Variants in KCNMA1 observed in about 807,000 individuals in gnomAD.
KCNMA1 encodes the protein Calcium-activated potassium channel subunit alpha-1.
Under a neutral mutation model 140.0 loss-of-function variants are expected in KCNMA1, and 29 were observed. The observed-to-expected ratio is 0.21, with a 90% CI of 0.15 to 0.28. The LOEUF is 0.28. Among genes scored for constraint, KCNMA1 ranks in the 10% least tolerant of loss-of-function variants. KCNMA1 has a pLI of 1.00. For synonymous variants in KCNMA1, 612 were observed against 611.9 expected, an observed-to-expected ratio of 1.00 and a Z score of 0.00; for missense variants, 880 against 1,602.2, an observed-to-expected ratio of 0.55 and a Z score of 7.70.
chr10:77,598,845 A>G (rs2081752669), intron 1 of KCNMA1, among the ~76,000 whole-genome samples: 1 of 152,152 alleles, frequency 6.6e-6, no homozygotes, highest in Non-Finnish European at 1.5e-5. Flanking sequence ...CCCAAATCCG[A>G]ACACTCCCAG....
intron 4 of KCNMA1, among the ~76,000 whole-genome samples, chr10:77,184,293 C>G (rs936825682): frequency 1.3e-5 from 2 of 152,188 alleles, no homozygotes; most frequent in African/African-American, 4.8e-5. Flanking sequence ...GATTTCAGCT[C>G]ACTGCAACCT....
chr10:77,548,596 A>T (rs1445941092), intron 1 of KCNMA1, among the ~76,000 whole-genome samples: 1 of 152,210 alleles, frequency 6.6e-6, no homozygotes. Context: ...CCTGCTTCCA[A>T]CCTACCAGCA....
intron 2 of KCNMA1, among the ~76,000 whole-genome samples, chr10:77,357,570 G>A (rs2093604535): frequency 6.6e-6 from 1 of 152,168 alleles, no homozygotes; most frequent in African/African-American, 2.4e-5. Context: ...AATTTTTAAA[G>A]CAAACATCTT....
intron 1 of KCNMA1, among the ~76,000 whole-genome samples, chr10:77,509,207 G>A (rs1007313653): frequency 2.6e-5 from 4 of 151,954 alleles, no homozygotes; most frequent in African/African-American, 4.8e-5. Context: ...TGCAACCTCC[G>A]CCTCCCAGCT....
At chr10:77,634,719 C>G (rs2093566556) in intron 1 of KCNMA1, 2 of 891,426 alleles carry the variant, frequency 2.2e-6, no homozygotes. Flanking sequence ...CAAATACATG[C>G]CTGTGTATCG....
In KCNMA1 at chr10:77,082,002, C is replaced by CTTTTT. The variant is rs772878572; in HGVS notation, c.1524-2453_1524-2452insAAAAA. On this transcript the variant is annotated intron_variant, in intron 12 of 27. Transcript: ENST00000286628. ...CCTTTGACCAGTAATTTCTTTTTTT[C>CTTTTT]TTTTCTTTTTTTTTTTTTTTTTTTT... Among the ~76,000 whole-genome samples the CTTTTT allele has an allele frequency of 7.5e-3, 386 of 51,640 alleles. 67 individuals carry two copies. Among genetic ancestry groups the CTTTTT allele is most frequent in the Non-Finnish European group, 0.014 (299 of 21,674 alleles). The allele number at this position is 51,640 out of a possible 152,430, so 33.9% of individuals were successfully genotyped here. A position where few individuals can be genotyped will look rare whatever the true frequency, so the allele number is the denominator to read the frequency against.
At chr10:77,341,654 G>A (rs1210054106) in intron 2 of KCNMA1, among the ~76,000 whole-genome samples, 2 of 152,236 alleles carry the variant, frequency 1.3e-5, no homozygotes, top group Non-Finnish European at 2.9e-5. Context: ...GTGGTCTCCT[G>A]CCAGGAAAAG....
chr10:77,382,992 G>GTATA (rs1227873900), intron 2 of KCNMA1, among the ~76,000 whole-genome samples: 16 of 44,484 alleles, frequency 3.6e-4, no homozygotes, highest in Non-Finnish European at 5.3e-4. Context: ...GTGTGTGTGT[G>GTATA]TGTATATATA....
At chr10:76,980,978 G>A (rs1257370295) in intron 19 of KCNMA1, among the ~76,000 whole-genome samples, 2 of 152,176 alleles carry the variant, frequency 1.3e-5, no homozygotes, top group African/African-American at 4.8e-5. Flanking sequence ...TATCTAATAG[G>A]TTGTTGTGAG....
chr10:77,138,130 C>T (rs939016228), intron 5 of KCNMA1, among the ~76,000 whole-genome samples: 1 of 152,182 alleles, frequency 6.6e-6, no homozygotes, highest in African/African-American at 2.4e-5. Flanking sequence ...CCTTGTGGTT[C>T]CAGATGCTGC....
At chr10:77,187,702 A>G (rs1483818512) in intron 3 of KCNMA1, among the ~76,000 whole-genome samples, 2 of 152,182 alleles carry the variant, frequency 1.3e-5, no homozygotes, top group African/African-American at 4.8e-5. Context: ...CCCATATAGG[A>G]TGAGTGATCG....
intron 1 of KCNMA1, among the ~76,000 whole-genome samples, chr10:77,535,192 G>A (rs888693025): frequency 2.6e-5 from 4 of 152,116 alleles, no homozygotes; most frequent in Non-Finnish European, 5.9e-5. Flanking sequence ...CCAGAAGGAC[G>A]CTCTAACATC....
At chr10:77,181,157 C>G (rs1365189010) in intron 5 of KCNMA1, among the ~76,000 whole-genome samples, 1 of 152,144 alleles carries the variant, frequency 6.6e-6, no homozygotes, top group Admixed American at 6.5e-5. Flanking sequence ...GCAGAAAGTG[C>G]AGATTCATGA....
At chr10:77,396,553 C>A (rs911715502) in intron 2 of KCNMA1, among the ~76,000 whole-genome samples, 36 of 152,318 alleles carry the variant, frequency 2.4e-4, no homozygotes, top group African/African-American at 8.7e-4. Context: ...GAATGTACAT[C>A]TATTTAACTC....
At chr10:77,238,645 G>C (rs1349123497) in intron 3 of KCNMA1, among the ~76,000 whole-genome samples, 2 of 152,324 alleles carry the variant, frequency 1.3e-5, no homozygotes, top group Middle Eastern at 3.4e-3. Flanking sequence ...CTTTCACTTA[G>C]ACATGTTTTG....
intron 23 of KCNMA1, among the ~76,000 whole-genome samples, chr10:76,934,135 G>T (rs2059932063): frequency 6.6e-6 from 1 of 151,966 alleles, no homozygotes; most frequent in African/African-American, 2.4e-5. Flanking sequence ...ACCACACCAG[G>T]CTTATTTTTG....
At chr10:77,311,813 A>T (rs917410288) in intron 2 of KCNMA1, among the ~76,000 whole-genome samples, 1 of 152,188 alleles carries the variant, frequency 6.6e-6, no homozygotes, top group Non-Finnish European at 1.5e-5. Flanking sequence ...CCTAAGCCTT[A>T]TCCATTCCCC....
chr10:77,624,598 C>T (rs886495670), intron 1 of KCNMA1, among the ~76,000 whole-genome samples: 1 of 152,076 alleles, frequency 6.6e-6, no homozygotes, highest in Non-Finnish European at 1.5e-5. Flanking sequence ...ATCTTTGGTT[C>T]TTTATCAGGT....
chr10:76,928,256 C>T (rs1217412786), intron 23 of KCNMA1, among the ~76,000 whole-genome samples: 3 of 140,458 alleles, frequency 2.1e-5, no homozygotes, highest in Non-Finnish European at 4.6e-5. Flanking sequence ...CAGAAAAATA[C>T]ACACACACAC....
Sources: allele counts gnomAD v4.1 joint callset (sites outside exome capture counted in the v4.1 genomes callset), GRCh38; gene constraint gnomAD v4.1.1; transcripts MANE v1.5; gene names NCBI Gene and HGNC (gene_info 2026-07-23, HGNC 2026-07-21).